Variants in TMEM167A observed in about 807,000 individuals in gnomAD.
TMEM167A encodes transmembrane protein 167A.
Under a neutral mutation model 11.6 loss-of-function variants are expected in TMEM167A, and 8 were observed. That is an observed-to-expected ratio of 0.69 (90% CI 0.40 to 1.24). The LOEUF (loss-of-function observed/expected upper bound fraction) is 1.24, where lower values mean the gene tolerates loss of function less well. TMEM167A is among the 50% of genes most tolerant of loss of function. The pLI is 0.01. For synonymous variants in TMEM167A, 22 were observed against 28.0 expected, an observed-to-expected ratio of 0.79 and a Z score of 0.67; for missense variants, 62 against 87.0, an observed-to-expected ratio of 0.71 and a Z score of 1.14.
At chr5:83,070,721 AG>A (rs1744547989) in intron 1 of TMEM167A, among the ~76,000 whole-genome samples, 1 of 152,164 alleles carries the variant, frequency 6.6e-6, no homozygotes, top group Non-Finnish European at 1.5e-5. Context: ...TTGAAAAATT[AG>A]TTTTTAGATT....
At chr5:83,074,807 G>A (rs889764102) in intron 1 of TMEM167A, among the ~76,000 whole-genome samples, 1 of 149,206 alleles carries the variant, frequency 6.7e-6, no homozygotes, top group African/African-American at 2.5e-5. Context: ...TTTCGCTCTT[G>A]TTGTCCAGGC....
chr5:83,067,868 T>C (rs951739602), intron 1 of TMEM167A, among the ~76,000 whole-genome samples: 4 of 152,172 alleles, frequency 2.6e-5, no homozygotes, highest in African/African-American at 4.8e-5. Context: ...GTGACACTTT[T>C]ATGGTCTGAA....
chr5:83,065,413 T>A (rs6882057), intron 1 of TMEM167A, among the ~76,000 whole-genome samples: 17,048 of 151,222 alleles, frequency 0.11, 1,529 homozygotes, highest in African/African-American at 0.25. Flanking sequence ...TGAATTTTTT[T>A]AAGGATAAAC....
At chr5:83,076,065 A>G (rs867032154) in intron 1 of TMEM167A, among the ~76,000 whole-genome samples, 36 of 152,334 alleles carry the variant, frequency 2.4e-4, no homozygotes, top group Middle Eastern at 3.4e-3. Flanking sequence ...TTGTGTTTCT[A>G]TCGATAACAG....
intron 1 of TMEM167A, among the ~76,000 whole-genome samples, chr5:83,069,529 G>A (rs1744531601): frequency 6.6e-6 from 1 of 151,918 alleles, no homozygotes; most frequent in Non-Finnish European, 1.5e-5. Flanking sequence ...GTACTCTATT[G>A]AGTTTTGCAC....
intron 1 of TMEM167A, among the ~76,000 whole-genome samples, chr5:83,076,386 T>G (rs1744662108): frequency 6.6e-6 from 1 of 152,358 alleles, no homozygotes; most frequent in African/African-American, 2.4e-5. Context: ...AGTCTGACAG[T>G]GAGATAATAA....
rs1744301474 is a variant in TMEM167A at position 83,054,529 on chromosome 5, A to G, written c.*2555T>C. ...TCCTGCCCTGTAACAACAGGTCTAT[A>G]TGATAGAGATATTCCATCTGAGCTG... On this transcript the variant is annotated 3_prime_UTR_variant, in exon 4 of 4. Transcript: ENST00000502346. 6.6e-6 allele frequency: 1 copy of G among 151,996 alleles called. No individual in the cohort carries two copies. The highest frequency in any genetic ancestry group is 1.5e-5 in the Non-Finnish European group (1 of 67,934). The allele number at this position is 151,996 out of a possible 1,614,324, so 9.4% of individuals were successfully genotyped here.
At chr5:83,060,778 C>A (rs977312273) in intron 3 of TMEM167A, among the ~76,000 whole-genome samples, 3 of 150,082 alleles carry the variant, frequency 2.0e-5, no homozygotes, top group Middle Eastern at 3.4e-3. Context: ...TTGCAGTGAG[C>A]GGAGATCGTG....
chr5:83,066,975 G>C (rs1281442083), intron 1 of TMEM167A, among the ~76,000 whole-genome samples: 1 of 152,086 alleles, frequency 6.6e-6, no homozygotes, highest in Non-Finnish European at 1.5e-5. Flanking sequence ...TTCCCAGGAG[G>C]GCCAAGCCCT....
chr5:83,067,417 G>C (rs1580176446), intron 1 of TMEM167A, among the ~76,000 whole-genome samples: 1 of 152,132 alleles, frequency 6.6e-6, no homozygotes, highest in East Asian at 1.9e-4. Context: ...AGGCAAAAGG[G>C]GATCAAAGAT....
rs1229585101 is a variant in TMEM167A at position 83,056,483 on chromosome 5, A to T, written c.*601T>A. 1.3e-5 allele frequency: 2 copies of T among 152,264 alleles called. No individual in the cohort carries two copies. Among genetic ancestry groups the T allele is most frequent in the Non-Finnish European group, 2.9e-5 (2 of 68,168 alleles). 9.4% of individuals were successfully genotyped at this position (152,264 alleles called of 1,614,324 possible). A position where few individuals can be genotyped will look rare whatever the true frequency, so the allele number is the denominator to read the frequency against. On this transcript the variant is annotated 3_prime_UTR_variant, in exon 4 of 4. Transcript: ENST00000502346. ...TAACTATCAACATTTTCCCAATACTATTTTTAAGTTACATCTCATTTACCT... is the reference window on the plus strand; with the variant it reads ...TAACTATCAACATTTTCCCAATACTTTTTTTAAGTTACATCTCATTTACCT...
intron 2 of TMEM167A, among the ~76,000 whole-genome samples, chr5:83,063,279 G>C (rs1744432624): frequency 6.6e-6 from 1 of 152,010 alleles, no homozygotes; most frequent in Non-Finnish European, 1.5e-5. Context: ...ACCCTCAAAG[G>C]GTTGTTATGA....
intron 1 of TMEM167A, among the ~76,000 whole-genome samples, chr5:83,072,862 A>G (rs1417704262): frequency 1.3e-5 from 2 of 152,148 alleles, no homozygotes; most frequent in Non-Finnish European, 2.9e-5. Context: ...TGAAGTGGTT[A>G]TCAAAGGTGT....
At chr5:83,060,510 A>T (rs1327401893) in intron 3 of TMEM167A, among the ~76,000 whole-genome samples, 1 of 151,684 alleles carries the variant, frequency 6.6e-6, no homozygotes, top group Non-Finnish European at 1.5e-5. Flanking sequence ...TAAAAAGGTT[A>T]AAAAAGGGTG....
chr5:83,064,919 G>T, intron 2 of TMEM167A, 89 bp downstream of exon 2: 1 of 781,090 alleles, frequency 1.3e-6, no homozygotes, highest in Non-Finnish European at 2.1e-6. Context: ...TTACATGTAG[G>T]AATTAAATTA....
Position 83,067,773 on chromosome 5 carries a change from A to G in TMEM167A, c.4-2656T>C, listed in dbSNP as rs1373147891. ...AGCGATCTGCCCACCTTGGCCTCCT[A>G]AAGTGCTGGGATTACAGGCGTGAGC... On this transcript the variant is annotated intron_variant, in intron 1 of 3. Coordinates refer to ENST00000502346, the MANE Select transcript of TMEM167A (RefSeq NM_174909.5). Among the ~76,000 whole-genome samples the G allele has an allele frequency of 3.9e-5, 6 of 152,120 alleles. No homozygotes were observed. In the East Asian group the frequency reaches 9.7e-4, roughly 24 times the overall value.
chr5:83,064,192 C>G (rs1288814189), intron 2 of TMEM167A: 1 of 513,246 alleles, frequency 1.9e-6, no homozygotes, highest in South Asian at 1.4e-5. Flanking sequence ...TAGGCATGCT[C>G]TTTTTGGTCT....
At chr5:83,068,842 T>A (rs1047328759) in intron 1 of TMEM167A, among the ~76,000 whole-genome samples, 3 of 152,176 alleles carry the variant, frequency 2.0e-5, no homozygotes, top group African/African-American at 7.2e-5. Context: ...TCCAAATGTG[T>A]TTTTAAAGAA....
intron 1 of TMEM167A, among the ~76,000 whole-genome samples, chr5:83,071,630 G>C (rs1450329742): frequency 6.6e-6 from 1 of 152,144 alleles, no homozygotes; most frequent in Non-Finnish European, 1.5e-5. Context: ...TGGTTGAAAA[G>C]ATTTCCACTA....
Sources: gnomAD v4.1 joint callset for allele counts (sites outside exome capture counted in the v4.1 genomes callset) on GRCh38, gnomAD v4.1.1 for gene constraint, MANE v1.5 for transcripts, NCBI Gene and HGNC (gene_info 2026-07-23, HGNC 2026-07-21) for gene names.